PTTG1IP2: variants seen among roughly 807,000 people sequenced by gnomAD.
The protein encoded by PTTG1IP2 is PTTG1IP family member 2.
At chr7:90,478,025 A>G (rs1797769806) in intron 1 of PTTG1IP2, among the ~76,000 whole-genome samples, 1 of 137,094 alleles carries the variant, frequency 7.3e-6, no homozygotes, top group Admixed American at 8.3e-5. Context: ...TGAACCTGGG[A>G]GGCGGAGGTT....
intron 6 of PTTG1IP2, among the ~76,000 whole-genome samples, chr7:90,497,647 G>C (rs572912723): frequency 7.0e-6 from 1 of 143,022 alleles, no homozygotes; most frequent in African/African-American, 2.6e-5. Flanking sequence ...AGCCCAGGAG[G>C]TTGAGGCTGC....
At chr7:90,495,376 C>T (rs1213269580) in intron 6 of PTTG1IP2, among the ~76,000 whole-genome samples, 1 of 152,190 alleles carries the variant, frequency 6.6e-6, no homozygotes, top group Admixed American at 6.5e-5. Flanking sequence ...TGCTGGAATC[C>T]TCTTATCAAC....
chr7:90,484,038 T>C (rs961036404), intron 2 of PTTG1IP2, among the ~76,000 whole-genome samples: 1 of 152,030 alleles, frequency 6.6e-6, no homozygotes, highest in African/African-American at 2.4e-5. Context: ...GATAGTTTTT[T>C]TTTTTTTAAA....
At chr7:90,512,320 AG>A (rs978196276) in intron 6 of PTTG1IP2, among the ~76,000 whole-genome samples, 32 of 152,288 alleles carry the variant, frequency 2.1e-4, no homozygotes, top group African/African-American at 7.2e-4. Flanking sequence ...TGGGAAGAAA[AG>A]AAGGGAGTAA....
chr7:90,484,020 T>G (rs1251405225), intron 2 of PTTG1IP2, among the ~76,000 whole-genome samples: 1 of 151,978 alleles, frequency 6.6e-6, no homozygotes, highest in African/African-American at 2.4e-5. Context: ...GATTGGCATT[T>G]CTTTCTGGAT....
At chr7:90,474,782 C>T (rs549983693) in intron 1 of PTTG1IP2, among the ~76,000 whole-genome samples, 4 of 152,172 alleles carry the variant, frequency 2.6e-5, no homozygotes, top group Non-Finnish European at 5.9e-5. Flanking sequence ...TAAATCTTAA[C>T]TTGATTGTGC....
At chr7:90,472,709 A>C (rs1797705703) in intron 1 of PTTG1IP2, among the ~76,000 whole-genome samples, 1 of 152,060 alleles carries the variant, frequency 6.6e-6, no homozygotes, top group Admixed American at 6.6e-5. Flanking sequence ...TCCCCTGGTA[A>C]ACTTCTCAGC....
chr7:90,501,624 C>A (rs1470825994), intron 6 of PTTG1IP2, among the ~76,000 whole-genome samples: 1 of 152,184 alleles, frequency 6.6e-6, no homozygotes, highest in African/African-American at 2.4e-5. Context: ...GAGCTCTGAT[C>A]CTCCACAGCA....
At chr7:90,473,818 C>A (rs1797716925) in intron 1 of PTTG1IP2, among the ~76,000 whole-genome samples, 1 of 152,202 alleles carries the variant, frequency 6.6e-6, no homozygotes, top group Non-Finnish European at 1.5e-5. Context: ...ACTCACCTCC[C>A]AGCTCTGTTG....
intron 1 of PTTG1IP2, among the ~76,000 whole-genome samples, chr7:90,478,515 A>C (rs2078889): frequency 0.011 from 1,647 of 152,316 alleles, 11 homozygotes; most frequent in South Asian, 0.043. Flanking sequence ...CCAATCAAAC[A>C]ATTTGAAATT....
chr7:90,498,684 T>C (rs1798025631), intron 6 of PTTG1IP2, among the ~76,000 whole-genome samples: 1 of 152,190 alleles, frequency 6.6e-6, no homozygotes, highest in South Asian at 2.1e-4. Context: ...CACATTTGAG[T>C]ATATTTTTGT....
intron 6 of PTTG1IP2, among the ~76,000 whole-genome samples, chr7:90,499,527 T>C (rs1269558487): frequency 6.6e-6 from 1 of 152,186 alleles, no homozygotes; most frequent in East Asian, 1.9e-4. Context: ...TTTAAATGCA[T>C]AATGTAAAAA....
At chr7:90,510,993 A>G (rs1020629378) in intron 6 of PTTG1IP2, among the ~76,000 whole-genome samples, 1 of 151,818 alleles carries the variant, frequency 6.6e-6, no homozygotes, top group Non-Finnish European at 1.5e-5. Flanking sequence ...AATCTTTTGT[A>G]TTTCTTCTCT....
chr7:90,509,456 G>A (rs1489019018), intron 6 of PTTG1IP2, among the ~76,000 whole-genome samples: 2 of 152,082 alleles, frequency 1.3e-5, no homozygotes, highest in South Asian at 2.1e-4. Flanking sequence ...TGGAAGATAC[G>A]GATGCTGTTA....
intron 1 of PTTG1IP2, among the ~76,000 whole-genome samples, chr7:90,471,514 C>G (rs1321608214): frequency 3.3e-5 from 5 of 152,140 alleles, no homozygotes; most frequent in Non-Finnish European, 7.4e-5. Context: ...AAAAAATATA[C>G]TGAAACCTAG....
intron 6 of PTTG1IP2, among the ~76,000 whole-genome samples, chr7:90,502,877 C>A (rs1183784522): frequency 2.0e-5 from 3 of 152,178 alleles, no homozygotes; most frequent in East Asian, 3.8e-4. Flanking sequence ...CTGGCTTCAA[C>A]TTAAAGTCAT....
At chr7:90,489,593 T>A (rs1350322260) in intron 4 of PTTG1IP2, among the ~76,000 whole-genome samples, 1 of 151,880 alleles carries the variant, frequency 6.6e-6, no homozygotes, top group Non-Finnish European at 1.5e-5. Flanking sequence ...AATTTGACCT[T>A]GTCAAATGTG....
At chr7:90,507,255 C>T (rs17865376) in intron 6 of PTTG1IP2, among the ~76,000 whole-genome samples, 7,944 of 152,142 alleles carry the variant, frequency 0.052, 500 homozygotes, top group East Asian at 0.16. Context: ...AATAAAACCA[C>T]GTAAATGAAA....
In PTTG1IP2 at chr7:90,510,499, T is replaced by TTG. The variant is rs148527314; in HGVS notation, c.*51-2764_*51-2763dup. Among the ~76,000 whole-genome samples the TTG allele has an allele frequency of 9.0e-4, 137 of 151,528 alleles. 1 individual carries two copies. Among genetic ancestry groups the TTG allele is most frequent in the African/African-American group, 2.7e-3 (112 of 41,398 alleles). ...AGCCCTTTCCTAATACGAGCTTTAT[T>TTG]TGTGTGTGTGTGTGTGCACGCACAT... On this transcript the variant is annotated intron_variant, in intron 6 of 6. Transcript: ENST00000509356.
Sources: gnomAD v4.1 joint callset for allele counts (sites outside exome capture counted in the v4.1 genomes callset) on GRCh38, gnomAD v4.1.1 for gene constraint, MANE v1.5 for transcripts, NCBI Gene and HGNC (gene_info 2026-07-23, HGNC 2026-07-21) for gene names.